PHYHD1: variants seen among roughly 807,000 people sequenced by gnomAD.
The protein encoded by PHYHD1 is phytanoyl-CoA dioxygenase domain containing 1.
A neutral mutation model predicts 43.6 loss-of-function variants in PHYHD1; 42 were observed. That is an observed-to-expected ratio of 0.96 (90% CI 0.75 to 1.25). The LOEUF is 1.25. Among genes scored for constraint, PHYHD1 ranks in the 50% most tolerant of loss-of-function variants. The probability of loss-of-function intolerance (pLI) is 0.00; values close to 1 mark genes in which losing one functional copy is unlikely to be tolerated. For synonymous variants in PHYHD1, 139 were observed against 143.6 expected, an observed-to-expected ratio of 0.97 and a Z score of 0.23; for missense variants, 342 against 370.8, an observed-to-expected ratio of 0.92 and a Z score of 0.64.
At chr9:128,938,066 G>T (rs1409714320) in intron 9 of PHYHD1, 4 of 929,332 alleles carry the variant, frequency 4.3e-6, no homozygotes, top group Non-Finnish European at 5.9e-6. Context: ...CAGCAATTTG[G>T]AAGGCAGAGG....
At position 128,940,433 on chromosome 9, in the gene PHYHD1, G is replaced by C; in HGVS notation, c.522G>C (p.Trp174Cys). ...CCCTGGGCCGGGTGCTGGGCGTGTG[G>C]ATCGCAGTGGAGGATGCCACGCTGG... ...TEPLGRVLGVWIAVEDATLEN... is the reference protein window; with the variant it reads ...TEPLGRVLGVCIAVEDATLEN... The change falls in exon 10 of 13, where the codon TGG becomes TGC. Residue 174 changes from tryptophan to cysteine, a missense_variant. By Grantham distance (215) the Trp-to-Cys change is radical (BLOSUM62 -2). Coordinates refer to ENST00000372592, the MANE Select transcript of PHYHD1 (RefSeq NM_001100876.2). 1 of 1,614,194 alleles carries C rather than the reference G, an allele frequency of 6.2e-7. No homozygotes were observed. The highest frequency in any genetic ancestry group is 8.5e-7 in the Non-Finnish European group (1 of 1,180,042).
intron 4 of PHYHD1, among the ~76,000 whole-genome samples, chr9:128,929,390 G>A (rs1564539525): frequency 6.6e-6 from 1 of 151,738 alleles, no homozygotes; most frequent in Non-Finnish European, 1.5e-5. Flanking sequence ...TTCATTTCAA[G>A]GGCCAGGAGT....
In PHYHD1 at chr9:128,940,425, G is replaced by A. The variant is rs144321446; in HGVS notation, c.514G>A (p.Gly172Ser). 5.7e-5 allele frequency: 92 copies of A among 1,614,046 alleles called. No individual in the cohort carries two copies. Among genetic ancestry groups the A allele is most frequent in the African/African-American group, 2.4e-4 (18 of 74,912 alleles). ...CACGGAGCCCCTGGGCCGGGTGCTGGGCGTGTGGATCGCAGTGGAGGATGC... is the reference window on the plus strand; with the variant it reads ...CACGGAGCCCCTGGGCCGGGTGCTGAGCGTGTGGATCGCAGTGGAGGATGC... Reference protein sequence around the residue: ...LYTEPLGRVLGVWIAVEDATL... With the variant: ...LYTEPLGRVLSVWIAVEDATL... Residue 172 changes from glycine to serine, a missense_variant, in exon 10 of 13, where the codon GGC (glycine) becomes AGC (serine). Physicochemically the swap from Gly to Ser is moderately conservative, Grantham distance 56. Transcript: ENST00000372592.
intron 4 of PHYHD1, among the ~76,000 whole-genome samples, chr9:128,933,078 C>T (rs775702947): frequency 2.7e-5 from 4 of 150,146 alleles, no homozygotes; most frequent in Non-Finnish European, 4.4e-5. Context: ...GTCTCGATCT[C>T]CTGACCTCGT....
chr9:128,925,480 C>T (rs1468003931), intron 3 of PHYHD1, among the ~76,000 whole-genome samples: 1 of 152,122 alleles, frequency 6.6e-6, no homozygotes, highest in African/African-American at 2.4e-5. Flanking sequence ...CCCAGCTTGA[C>T]TTCCCAAACT....
chr9:128,936,380 G>A, intron 6 of PHYHD1, 68 bp from the exon 7 acceptor site: 2 of 1,554,208 alleles, frequency 1.3e-6, no homozygotes, highest in Non-Finnish European at 1.7e-6. Flanking sequence ...GAGTGTGGGT[G>A]CCCAGAGCTG....
intron 2 of PHYHD1, 59 bp downstream of exon 2, chr9:128,922,106 T>G (rs1841011819): frequency 1.1e-5 from 6 of 551,566 alleles, no homozygotes; most frequent in African/African-American, 2.0e-5. Context: ...ATAAAATCCT[T>G]GGAGATGGGA....
At chr9:128,937,679 A>G in intron 8 of PHYHD1, 78 bp from the exon 9 acceptor site, 1 of 1,558,582 alleles carries the variant, frequency 6.4e-7, no homozygotes. Context: ...CCAGAGCAAT[A>G]GCATCCTGGG....
At position 128,939,048 on chromosome 9, in the gene PHYHD1, A is replaced by T. The variant is rs144399108; in HGVS notation, c.457+1270A>T. Among the ~76,000 whole-genome samples, 92 of 131,958 alleles carry T rather than the reference A, an allele frequency of 7.0e-4. 8 individuals carry two copies. Among genetic ancestry groups the T allele is most frequent in the African/African-American group, 2.1e-3 (85 of 40,088 alleles). 86.6% of individuals were successfully genotyped at this position (131,958 alleles called of 152,430 possible). On this transcript the variant is annotated intron_variant, in intron 9 of 12. Transcript: ENST00000372592. ...GATGACCATCCCCACTCTCTGCCTG[A>T]GTCCAGTTCTCCCAGTTCCTTCCAC... is the stretch of plus-strand genomic sequence containing the variant.
Position 128,940,468 on chromosome 9 carries a change from G to A in PHYHD1, c.557G>A (p.Cys186Tyr), listed in dbSNP as rs563435313. The change falls in exon 10 of 13, where the codon TGT becomes TAT. Residue 186 changes from cysteine to tyrosine, a missense_variant. Physicochemically the swap from Cys to Tyr is radical, Grantham distance 194. Transcript: ENST00000372592. ...GAGGATGCCACGCTGGAGAACGGCTGTCTCTGGTTCATCCCTGGCTCCCAC... is the reference window on the plus strand; with the variant it reads ...GAGGATGCCACGCTGGAGAACGGCTATCTCTGGTTCATCCCTGGCTCCCAC... ...AVEDATLENG[C>Y]LWFIPGSHTS... 8 of 1,614,182 alleles carry A rather than the reference G, an allele frequency of 5.0e-6. No homozygotes were observed. In the African/African-American group the frequency reaches 5.3e-5, roughly 11 times the overall value.
At chr9:128,938,049 G>A (rs1841469762) in intron 9 of PHYHD1, 4 of 1,132,372 alleles carry the variant, frequency 3.5e-6, no homozygotes, top group Admixed American at 3.1e-5. Context: ...GCTCATGCCT[G>A]TAATCCCAGC....
intron 4 of PHYHD1, among the ~76,000 whole-genome samples, chr9:128,932,166 A>ATTATTT (rs1564540372): frequency 4.2e-4 from 51 of 122,690 alleles, no homozygotes; most frequent in African/African-American, 1.7e-3. Flanking sequence ...TATTATTATT[A>ATTATTT]TTGTTATTAT....
chr9:128,941,825 T>C lies in PHYHD1; in HGVS notation c.*112T>C, dbSNP rs1002539906. 3.6e-5 allele frequency: 52 copies of C among 1,448,110 alleles called. No homozygotes were observed. Among genetic ancestry groups the C allele is most frequent in the Non-Finnish European group, 4.5e-5 (47 of 1,043,090 alleles). The allele number at this position is 1,448,110 out of a possible 1,614,324, so 89.7% of individuals were successfully genotyped here. ...AACAGGGAGGTCTTGTCTCCCCTCC[T>C]GGGCTTTCCTCCTGCCCTGTGGGCA... is the stretch of plus-strand genomic sequence containing the variant. On this transcript the variant is annotated 3_prime_UTR_variant, in exon 13 of 13. Coordinates refer to ENST00000372592, the MANE Select transcript of PHYHD1 (RefSeq NM_001100876.2).
intron 6 of PHYHD1, among the ~76,000 whole-genome samples, chr9:128,934,407 A>G (rs903356517): frequency 2.6e-5 from 4 of 151,644 alleles, no homozygotes; most frequent in African/African-American, 4.8e-5. Flanking sequence ...AAAAAAAAAA[A>G]AAAAGAAAAG....
intron 3 of PHYHD1, among the ~76,000 whole-genome samples, chr9:128,926,300 G>A (rs1275993008): frequency 1.3e-5 from 2 of 152,008 alleles, no homozygotes; most frequent in East Asian, 1.9e-4. Context: ...GCATGATCTC[G>A]GCTCACTGCA....
At chr9:128,923,530 T>C (rs1841057113) in intron 3 of PHYHD1, among the ~76,000 whole-genome samples, 1 of 152,266 alleles carries the variant, frequency 6.6e-6, no homozygotes, top group African/African-American at 2.4e-5. Flanking sequence ...ACATGATTTT[T>C]ATCAGCTATA....
chr9:128,940,815 A>G (rs1841540488), intron 11 of PHYHD1, 100 bp downstream of exon 11: 1 of 1,180,038 alleles, frequency 8.5e-7, no homozygotes, highest in African/African-American at 1.5e-5. Context: ...GGGTCATCTG[A>G]GGGCAGTGAA....
At position 128,941,767 on chromosome 9, in the gene PHYHD1, A is replaced by G; in HGVS notation, c.*54A>G. 6.2e-7 allele frequency: 1 copy of G among 1,611,990 alleles called. No individual in the cohort carries two copies. Among genetic ancestry groups the G allele is most frequent in the Non-Finnish European group, 8.5e-7 (1 of 1,178,276 alleles). On this transcript the variant is annotated 3_prime_UTR_variant, in exon 13 of 13. Transcript: ENST00000372592. ...CCTCCCGGGTGAAGCTGTGGGCTGT[A>G]AACACCAGTGCCTTGCTCAGCCTCC...
chr9:128,922,686 G>A (rs968749670), intron 3 of PHYHD1, among the ~76,000 whole-genome samples: 1 of 152,350 alleles, frequency 6.6e-6, no homozygotes, highest in Non-Finnish European at 1.5e-5. Context: ...CGGGGCCTGC[G>A]AGGGGCCCAG....
Sources: gnomAD v4.1 joint callset for allele counts (sites outside exome capture counted in the v4.1 genomes callset) on GRCh38, gnomAD v4.1.1 for gene constraint, MANE v1.5 for transcripts, NCBI Gene and HGNC (gene_info 2026-07-23, HGNC 2026-07-21) for gene names.